Variants in TNKS observed in about 807,000 individuals in gnomAD.
The protein encoded by TNKS is poly [ADP-ribose] polymerase tankyrase-1.
In TNKS, 72 loss-of-function variants were observed where a neutral mutation model predicts 135.8. The ratio of observed to expected loss-of-function variants is 0.53; its 90% CI spans 0.44 to 0.64. The LOEUF is 0.64. Among genes scored for constraint, TNKS ranks in the 30% least tolerant of loss-of-function variants. TNKS has a pLI of 0.00. For missense variants in TNKS, 1,769 were observed against 1,674.0 expected (o/e 1.06, Z -0.99); for synonymous variants, 849 against 649.3 (o/e 1.31, Z -4.68).
chr8:9,725,759 T>A lies in TNKS; in HGVS notation c.1922-882T>A, dbSNP rs553616071. On this transcript the variant is annotated intron_variant, in intron 12 of 26. Transcript: ENST00000310430. ...TGCTCATTCTAAAAGCCACACTTCA[T>A]GTACATAAACATACTTTTGGTTGAC... 1.3e-5 allele frequency among the ~76,000 whole-genome samples: 2 copies of A among 152,252 alleles called. 1 individual carries two copies. Among genetic ancestry groups the A allele is most frequent in the Admixed American group, 1.3e-4 (2 of 15,286 alleles).
intron 4 of TNKS, 119 bp from the exon 5 acceptor site, chr8:9,680,606 G>A: frequency 1.5e-6 from 1 of 654,538 alleles, no homozygotes; most frequent in Middle Eastern, 3.9e-4. Context: ...GATTTATTGT[G>A]ATCCATGTAA....
intron 2 of TNKS, among the ~76,000 whole-genome samples, chr8:9,606,176 A>G (rs1291502931): frequency 3.2e-5 from 3 of 94,416 alleles, no homozygotes; most frequent in African/African-American, 4.4e-5. Context: ...TCTTTTCTAT[A>G]TAGAGAATCC....
At chr8:9,664,624 T>C (rs1801903404) in intron 3 of TNKS, among the ~76,000 whole-genome samples, 1 of 152,222 alleles carries the variant, frequency 6.6e-6, no homozygotes, top group South Asian at 2.1e-4. Flanking sequence ...TACATATTTC[T>C]TATTATAAAT....
intron 3 of TNKS, among the ~76,000 whole-genome samples, chr8:9,671,537 A>G (rs932933150): frequency 3.3e-5 from 5 of 152,242 alleles, no homozygotes; most frequent in African/African-American, 1.2e-4. Context: ...TTCCATTTAC[A>G]TGGCATTCCG....
chr8:9,602,266 C>G (rs1204311132), intron 2 of TNKS, among the ~76,000 whole-genome samples: 1 of 152,008 alleles, frequency 6.6e-6, no homozygotes, highest in African/African-American at 2.4e-5. Flanking sequence ...ACGTAGACAG[C>G]AAAAAGAAGG....
At chr8:9,708,856 A>G (rs1442298801) in intron 9 of TNKS, among the ~76,000 whole-genome samples, 1 of 152,110 alleles carries the variant, frequency 6.6e-6, no homozygotes, top group Non-Finnish European at 1.5e-5. Context: ...AGAAGATTAA[A>G]GTATATTTTT....
At chr8:9,564,999 C>A (rs780133203) in intron 1 of TNKS, among the ~76,000 whole-genome samples, 1 of 148,444 alleles carries the variant, frequency 6.7e-6, no homozygotes, top group Non-Finnish European at 1.5e-5. Flanking sequence ...CAGGATAACC[C>A]CGGGGCTCAT....
rs555683016 is a variant in TNKS, at chr8:9,582,505, C to T, written c.898+2122C>T. Among the ~76,000 whole-genome samples, 5 of 152,258 alleles carry T rather than the reference C, an allele frequency of 3.3e-5. No individual in the cohort carries two copies. In the East Asian group the frequency reaches 9.7e-4, roughly 29 times the overall value. Reference sequence around the variant, plus strand: ...TTGATATTTTTGAAAAGCTAGAGCCCAGCCAAGCCACATTACCACCAGCTT... The same window carrying T: ...TTGATATTTTTGAAAAGCTAGAGCCTAGCCAAGCCACATTACCACCAGCTT... On this transcript the variant is annotated intron_variant, in intron 2 of 26. Coordinates refer to ENST00000310430, the MANE Select transcript of TNKS (RefSeq NM_003747.3).
intron 2 of TNKS, among the ~76,000 whole-genome samples, chr8:9,580,648 A>G (rs1220435651): frequency 6.6e-6 from 1 of 152,188 alleles, no homozygotes; most frequent in Non-Finnish European, 1.5e-5. Flanking sequence ...AATTTAGTTA[A>G]TTTATAGTCT....
intron 3 of TNKS, among the ~76,000 whole-genome samples, chr8:9,638,520 C>G (rs562228595): frequency 1.3e-5 from 2 of 152,182 alleles, no homozygotes; most frequent in South Asian, 4.1e-4. Context: ...TACTTTTTTT[C>G]TAGATCCAAG....
Position 9,556,056 on chromosome 8 carries a change from G to A in TNKS, c.117G>A (p.Leu39=). 6.2e-7 allele frequency: 1 copy of A among 1,609,250 alleles called. No individual in the cohort carries two copies. The change falls in exon 1 of 27, where the codon CTG becomes CTA. Residue 39 remains leucine (L), a synonymous_variant. Transcript: ENST00000310430. ...CTCCTCCCCCACTCAGCCCTGGCCTGGCCCCGGGGACCACCCCAGCCTCTC... is the reference window on the plus strand; with the variant it reads ...CTCCTCCCCCACTCAGCCCTGGCCTAGCCCCGGGGACCACCCCAGCCTCTC... ...PPPPPPLSPG[L]APGTTPASPT...
chr8:9,734,829 A>C (rs540294690), intron 15 of TNKS, 36 bp from the exon 16 acceptor site: 2 of 1,575,696 alleles, frequency 1.3e-6, no homozygotes, highest in African/African-American at 1.4e-5. Flanking sequence ...CTTACTACAG[A>C]AAATACAAAC....
chr8:9,570,438 C>T (rs1381750129), intron 1 of TNKS, among the ~76,000 whole-genome samples: 1 of 152,182 alleles, frequency 6.6e-6, no homozygotes, highest in Non-Finnish European at 1.5e-5. Flanking sequence ...TGGCAGTGGG[C>T]TGGGCAGAAC....
At chr8:9,562,053 G>C (rs936945940) in intron 1 of TNKS, among the ~76,000 whole-genome samples, 1 of 152,098 alleles carries the variant, frequency 6.6e-6, no homozygotes, top group African/African-American at 2.4e-5. Context: ...CTGACCTCAG[G>C]TGTTCCATCC....
intron 3 of TNKS, among the ~76,000 whole-genome samples, chr8:9,619,083 G>A (rs1799762750): frequency 6.6e-6 from 1 of 152,166 alleles, no homozygotes; most frequent in African/African-American, 2.4e-5. Context: ...TGAATTTAGA[G>A]TCATTTAATC....
chr8:9,564,446 A>C (rs1797449627), intron 1 of TNKS, among the ~76,000 whole-genome samples: 1 of 152,226 alleles, frequency 6.6e-6, no homozygotes, highest in South Asian at 2.1e-4. Flanking sequence ...TGAGAAAATA[A>C]ATTTTATTGT....
chr8:9,751,791 A>G lies in TNKS; in HGVS notation c.3015A>G (p.Gly1005=), dbSNP rs1293978373. 6.2e-7 allele frequency: 1 copy of G among 1,614,174 alleles called. No homozygotes were observed. The highest frequency in any genetic ancestry group is 2.2e-5 in the East Asian group (1 of 44,884). Reference sequence around the variant, plus strand: ...GCCCTTTAGCAGAGTTGGCCGTAGGAGGAGCCTCCAATGCAGGGGATGGCG... The same window carrying G: ...GCCCTTTAGCAGAGTTGGCCGTAGGGGGAGCCTCCAATGCAGGGGATGGCG... ...LTGPLAELAV[G]GASNAGDGAA... The change falls in exon 19 of 27, where the codon GGA becomes GGG. Residue 1005 remains glycine (G), a synonymous_variant. Coordinates refer to ENST00000310430, the MANE Select transcript of TNKS (RefSeq NM_003747.3).
intron 3 of TNKS, among the ~76,000 whole-genome samples, chr8:9,617,835 T>C (rs561682974): frequency 2.6e-5 from 4 of 152,354 alleles, no homozygotes; most frequent in Admixed American, 2.6e-4. Context: ...CCTTCTTAAA[T>C]ATTTTTTCTT....
chr8:9,638,554 A>G (rs937868051), intron 3 of TNKS, among the ~76,000 whole-genome samples: 7 of 152,200 alleles, frequency 4.6e-5, no homozygotes, highest in African/African-American at 1.7e-4. Context: ...ATGACAGTTT[A>G]TATACTTTGT....
Sources: gnomAD v4.1 joint callset for allele counts (sites outside exome capture counted in the v4.1 genomes callset) on GRCh38, gnomAD v4.1.1 for gene constraint, MANE v1.5 for transcripts, NCBI Gene and HGNC (gene_info 2026-07-23, HGNC 2026-07-21) for gene names.